The following CD200R1 variants were observed in gnomAD, a reference collection of about 807,000 sequenced individuals.
CD200R1 encodes cell surface glycoprotein CD200 receptor 1.
A neutral mutation model predicts 38.1 loss-of-function variants in CD200R1; 30 were observed. That is an observed-to-expected ratio of 0.79 (90% CI 0.59 to 1.07). The LOEUF (loss-of-function observed/expected upper bound fraction) is 1.07. CD200R1 is among the 50% of genes least tolerant of loss of function. The pLI is 0.00. For missense variants in CD200R1, 372 were observed against 415.4 expected, an observed-to-expected ratio of 0.90 and a Z score of 0.91; for synonymous variants, 128 against 152.1, an observed-to-expected ratio of 0.84 and a Z score of 1.16.
intron 1 of CD200R1, among the ~76,000 whole-genome samples, chr3:112,965,897 CA>C (rs1225467610): frequency 4.6e-5 from 7 of 152,096 alleles, no homozygotes; most frequent in African/African-American, 1.7e-4. Flanking sequence ...AGGAATGAGA[CA>C]AAAAGCAGGT....
chr3:112,926,708 G>C (rs998533228), intron 5 of CD200R1, among the ~76,000 whole-genome samples: 1 of 151,942 alleles, frequency 6.6e-6, no homozygotes, highest in Non-Finnish European at 1.5e-5. Flanking sequence ...AAATAAAGGT[G>C]GTTTCAACAC....
intron 1 of CD200R1, among the ~76,000 whole-genome samples, chr3:112,963,442 T>A (rs1196543322): frequency 6.6e-6 from 1 of 152,192 alleles, no homozygotes; most frequent in Non-Finnish European, 1.5e-5. Context: ...GCTTAGGTGG[T>A]CTCAGATGGG....
intron 1 of CD200R1, among the ~76,000 whole-genome samples, chr3:112,962,699 G>T (rs1383273668): frequency 6.6e-6 from 1 of 152,136 alleles, no homozygotes; most frequent in Non-Finnish European, 1.5e-5. Flanking sequence ...AAAATTACAT[G>T]TATCAGCTAA....
chr3:112,941,788 T>A (rs776157992), intron 2 of CD200R1, among the ~76,000 whole-genome samples: 2 of 151,544 alleles, frequency 1.3e-5, no homozygotes, highest in Non-Finnish European at 3.0e-5. Context: ...TGTATTATTT[T>A]CAAATTACAG....
At chr3:112,960,910 C>CT (rs879638115) in intron 1 of CD200R1, among the ~76,000 whole-genome samples, 41 of 152,038 alleles carry the variant, frequency 2.7e-4, no homozygotes, top group Non-Finnish European at 5.2e-4. Context: ...TTAGTACTTA[C>CT]TTTTTTATTT....
chr3:112,961,232 G>A, intron 1 of CD200R1, among the ~76,000 whole-genome samples: 1 of 152,018 alleles, frequency 6.6e-6, no homozygotes, highest in Non-Finnish European at 1.5e-5. Context: ...ATATGAGAAT[G>A]TAGTATCTGA....
chr3:112,970,945 T>C (rs1482521873), intron 1 of CD200R1, among the ~76,000 whole-genome samples: 2 of 152,200 alleles, frequency 1.3e-5, no homozygotes, highest in Admixed American at 1.3e-4. Flanking sequence ...GAGATAAGTA[T>C]GGTTCTTAGA....
Position 112,921,693 on chromosome 3 carries a change from A to C in CD200R1, c.*1984T>G, listed in dbSNP as rs1940174582. 1 of 152,062 alleles carries C rather than the reference A, an allele frequency of 6.6e-6. No individual in the cohort carries two copies. The highest frequency in any genetic ancestry group is 2.4e-5 in the African/African-American group (1 of 41,440). 9.4% of individuals were successfully genotyped at this position (152,062 alleles called of 1,614,324 possible). A position where few individuals can be genotyped will look rare whatever the true frequency, so the allele number is the denominator to read the frequency against. On this transcript the variant is annotated 3_prime_UTR_variant, in exon 8 of 8. Coordinates refer to ENST00000308611, the MANE Select transcript of CD200R1 (RefSeq NM_138806.4). The stretch of plus-strand genomic sequence containing the variant: ...CAGGTCTAGCGTGGATTTGGAGAAT[A>C]TATATAATTTTTTATATCATTCTAA...
intron 1 of CD200R1, among the ~76,000 whole-genome samples, chr3:112,951,366 A>G (rs1940966418): frequency 2.0e-5 from 3 of 152,070 alleles, no homozygotes; most frequent in Non-Finnish European, 1.5e-5. Context: ...GTTGATAAAA[A>G]GCCTTCTATC....
intron 1 of CD200R1, among the ~76,000 whole-genome samples, chr3:112,970,989 T>C (rs1460483860): frequency 6.6e-6 from 1 of 152,188 alleles, no homozygotes; most frequent in African/African-American, 2.4e-5. Context: ...GCTTATTCTA[T>C]TGTTTTTGTC....
In CD200R1 at chr3:112,949,806, G is replaced by A. The variant is rs115065231; in HGVS notation, c.68-1882C>T. Reference sequence around the variant, plus strand: ...TAAAATCAGGATTACAAAGGCATCTGGACACAGACACTATGAATTCTAGAT... The same window carrying A: ...TAAAATCAGGATTACAAAGGCATCTAGACACAGACACTATGAATTCTAGAT... On this transcript the variant is annotated intron_variant, in intron 1 of 7. Transcript: ENST00000308611. Among the ~76,000 whole-genome samples the A allele has an allele frequency of 4.6e-3, 702 of 152,290 alleles. 3 individuals are homozygous for A. The highest frequency in any genetic ancestry group is 8.5e-3 in the Non-Finnish European group (576 of 68,022).
At chr3:112,944,466 T>A in intron 2 of CD200R1, among the ~76,000 whole-genome samples, 1 of 112,066 alleles carries the variant, frequency 8.9e-6, no homozygotes, top group East Asian at 2.8e-4. Flanking sequence ...CTCAGTAAAC[T>A]GGGATAAAGA....
At chr3:112,949,016 T>C (rs955270805) in intron 1 of CD200R1, among the ~76,000 whole-genome samples, 1 of 152,236 alleles carries the variant, frequency 6.6e-6, no homozygotes, top group Non-Finnish European at 1.5e-5. Context: ...CATGCTTTCC[T>C]ATAATAAGTA....
chr3:112,964,101 A>C (rs9856680), intron 1 of CD200R1, among the ~76,000 whole-genome samples: 39,731 of 152,098 alleles, frequency 0.26, 6,316 homozygotes, highest in Non-Finnish European at 0.36. Flanking sequence ...CTCTGCCTAG[A>C]TTTCAGAGGA....
chr3:112,935,794 C>G (rs975063557), intron 2 of CD200R1, among the ~76,000 whole-genome samples: 13 of 152,124 alleles, frequency 8.5e-5, no homozygotes, highest in Non-Finnish European at 1.5e-4. Context: ...TTTGTTTTTT[C>G]TGTTTGCAAT....
intron 1 of CD200R1, among the ~76,000 whole-genome samples, chr3:112,973,830 T>A (rs959368649): frequency 3.3e-5 from 5 of 152,072 alleles, no homozygotes; most frequent in Admixed American, 2.0e-4. Flanking sequence ...GAAAACTCCC[T>A]CCCACACCAA....
chr3:112,973,515 T>C (rs1040961956), intron 1 of CD200R1, among the ~76,000 whole-genome samples: 1 of 152,338 alleles, frequency 6.6e-6, no homozygotes, highest in African/African-American at 2.4e-5. Context: ...CCTCCATTTC[T>C]ACCTTTGTAA....
chr3:112,964,691 CTG>C (rs1177220990), intron 1 of CD200R1, among the ~76,000 whole-genome samples: 2 of 152,176 alleles, frequency 1.3e-5, no homozygotes, highest in African/African-American at 2.4e-5. Flanking sequence ...TGACTTTAAA[CTG>C]TGGACTTTTG....
At chr3:112,960,235 A>G (rs376041181) in intron 1 of CD200R1, among the ~76,000 whole-genome samples, 2 of 152,186 alleles carry the variant, frequency 1.3e-5, no homozygotes, top group East Asian at 3.9e-4. Flanking sequence ...AACTTTTACT[A>G]TGAATTTCCT....
Sources: allele counts gnomAD v4.1 joint callset (sites outside exome capture counted in the v4.1 genomes callset), GRCh38; gene constraint gnomAD v4.1.1; transcripts MANE v1.5; gene names NCBI Gene and HGNC (gene_info 2026-07-23, HGNC 2026-07-21).